The following PACRG variants were observed in gnomAD, a reference collection of about 807,000 sequenced individuals.
PACRG encodes parkin coregulated gene protein.
A neutral mutation model predicts 29.7 loss-of-function variants in PACRG; 29 were observed. The observed-to-expected ratio is 0.98, with a 90% confidence interval of 0.73 to 1.33. The LOEUF is 1.33. PACRG is among the 40% of genes most tolerant of loss of function. The probability of loss-of-function intolerance (pLI) is 0.00; values close to 1 mark genes in which losing one functional copy is unlikely to be tolerated. For synonymous variants in PACRG, 116 were observed against 118.7 expected (o/e 0.98, Z 0.15); for missense variants, 279 against 316.2 (o/e 0.88, Z 0.89).
chr6:162,877,646 G>GA (rs527899869), intron 2 of PACRG, among the ~76,000 whole-genome samples: 2 of 151,276 alleles, frequency 1.3e-5, no homozygotes, highest in South Asian at 4.2e-4. Flanking sequence ...TTAAGAAGAG[G>GA]AAAAAAAATT....
intron 4 of PACRG, among the ~76,000 whole-genome samples, chr6:163,258,145 C>A (rs187496174): frequency 7.0e-4 from 107 of 152,202 alleles, no homozygotes; most frequent in Non-Finnish European, 8.8e-4. Flanking sequence ...CCATTAAGCA[C>A]AATATGGGCT....
chr6:162,926,655 C>A (rs531154651), intron 2 of PACRG, among the ~76,000 whole-genome samples: 6 of 152,200 alleles, frequency 3.9e-5, no homozygotes, highest in African/African-American at 1.4e-4. Context: ...AAAATTAACT[C>A]AAGATGGATT....
At chr6:162,809,014 G>A (rs951004146) in intron 1 of PACRG, among the ~76,000 whole-genome samples, 30 of 151,546 alleles carry the variant, frequency 2.0e-4, no homozygotes, top group African/African-American at 6.1e-4. Flanking sequence ...ATTATATTTC[G>A]CTTGATTTTT....
intron 2 of PACRG, among the ~76,000 whole-genome samples, chr6:162,819,678 T>G (rs991610156): frequency 6.6e-6 from 1 of 152,350 alleles, no homozygotes; most frequent in Non-Finnish European, 1.5e-5. Context: ...GGGATATTTG[T>G]TGAATGCAAG....
chr6:162,883,504 C>T (rs1479790425), intron 2 of PACRG, among the ~76,000 whole-genome samples: 4 of 152,098 alleles, frequency 2.6e-5, no homozygotes, highest in Non-Finnish European at 5.9e-5. Flanking sequence ...ACATAGTGTT[C>T]ACAATGTTAA....
intron 4 of PACRG, among the ~76,000 whole-genome samples, chr6:163,215,944 C>A (rs902923604): frequency 6.6e-6 from 1 of 152,188 alleles, no homozygotes; most frequent in African/African-American, 2.4e-5. Context: ...TGAGACAAAG[C>A]CTGCTTTTGG....
At chr6:162,727,580 C>T (rs1779337451), upstream of PACRG, 8 of 1,434,674 alleles carry the variant, frequency 5.6e-6, no homozygotes, top group Non-Finnish European at 7.7e-6. Flanking sequence ...ACCGGGGGTC[C>T]TGGTCGGCCG....
chr6:162,960,257 T>C (rs1013745824), intron 2 of PACRG, among the ~76,000 whole-genome samples: 2 of 152,244 alleles, frequency 1.3e-5, no homozygotes, highest in African/African-American at 2.4e-5. Context: ...CATTACTGGG[T>C]ATATACCGAA....
At chr6:163,091,243 G>T (rs1344789096) in intron 4 of PACRG, among the ~76,000 whole-genome samples, 1 of 152,198 alleles carries the variant, frequency 6.6e-6, no homozygotes, top group Non-Finnish European at 1.5e-5. Context: ...AAATATTGCT[G>T]CCGCAAAGAC....
At chr6:163,031,345 C>T (rs1562848508) in intron 2 of PACRG, among the ~76,000 whole-genome samples, 1 of 152,206 alleles carries the variant, frequency 6.6e-6, no homozygotes, top group East Asian at 1.9e-4. Flanking sequence ...CCAGTACATG[C>T]CCAGAATTAG....
intron 4 of PACRG, among the ~76,000 whole-genome samples, chr6:163,153,130 TC>T (rs1209864908): frequency 1.3e-5 from 2 of 152,260 alleles, no homozygotes; most frequent in Non-Finnish European, 2.9e-5. Flanking sequence ...AACTTTTCTA[TC>T]CTGAGTAATG....
rs71567683 is a variant in PACRG at position 162,844,425 on chromosome 6, A to G, written c.291+30144A>G. Reference sequence around the variant, plus strand: ...ACTCCCTGACCCCTTGCGCTTCCCAAGTGAGGCAATGCCTCGCCCTGCTTC... The same window carrying G: ...ACTCCCTGACCCCTTGCGCTTCCCAGGTGAGGCAATGCCTCGCCCTGCTTC... On this transcript the variant is annotated intron_variant, in intron 2 of 4. Coordinates refer to ENST00000366888, the MANE Select transcript of PACRG (RefSeq NM_001080379.2). Among the ~76,000 whole-genome samples, 588 of 152,266 alleles carry G rather than the reference A, an allele frequency of 3.9e-3. 4 individuals are homozygous for G. Among genetic ancestry groups the G allele is most frequent in the African/African-American group, 0.012 (513 of 41,562 alleles).
intron 1 of PACRG, among the ~76,000 whole-genome samples, chr6:162,773,525 T>C (rs1783394472): frequency 1.0e-5 from 1 of 99,524 alleles, no homozygotes; most frequent in Non-Finnish European, 2.0e-5. Context: ...TTTTTTTTTT[T>C]GAGACGGAGT....
intron 1 of PACRG, among the ~76,000 whole-genome samples, chr6:162,789,665 A>G (rs1784782590): frequency 6.6e-6 from 1 of 152,234 alleles, no homozygotes; most frequent in Non-Finnish European, 1.5e-5. Context: ...ATTTACATAT[A>G]TGACTTTAAT....
chr6:163,252,481 G>A (rs987727792), intron 4 of PACRG, among the ~76,000 whole-genome samples: 2 of 152,234 alleles, frequency 1.3e-5, no homozygotes, highest in Non-Finnish European at 2.9e-5. Context: ...GGGTCCCGTG[G>A]CTCTGACTGA....
chr6:163,048,005 C>T (rs1381522669), intron 2 of PACRG, among the ~76,000 whole-genome samples: 1 of 152,006 alleles, frequency 6.6e-6, no homozygotes, highest in African/African-American at 2.4e-5. Flanking sequence ...TGTTTTTAAT[C>T]GTGTATGGAA....
At chr6:162,951,399 G>A (rs1306292777) in intron 2 of PACRG, among the ~76,000 whole-genome samples, 3 of 152,226 alleles carry the variant, frequency 2.0e-5, no homozygotes, top group East Asian at 3.9e-4. Flanking sequence ...CAGGCAGGAA[G>A]GCTCTGATTG....
intron 4 of PACRG, among the ~76,000 whole-genome samples, chr6:163,235,919 GA>G (rs1489981403): frequency 6.6e-6 from 1 of 151,670 alleles, no homozygotes; most frequent in Non-Finnish European, 1.5e-5. Flanking sequence ...CACTAAAAAA[GA>G]AAGGAAAAAA....
At chr6:163,171,637 T>C (rs1296215499) in intron 4 of PACRG, among the ~76,000 whole-genome samples, 1 of 152,132 alleles carries the variant, frequency 6.6e-6, no homozygotes, top group Non-Finnish European at 1.5e-5. Context: ...AAATAACTTT[T>C]CCCCCCAGTT....
Sources: allele counts gnomAD v4.1 joint callset (sites outside exome capture counted in the v4.1 genomes callset), GRCh38; gene constraint gnomAD v4.1.1; transcripts MANE v1.5; gene names NCBI Gene and HGNC (gene_info 2026-07-23, HGNC 2026-07-21).